The following HEMK2 variants were observed in gnomAD, a reference collection of about 807,000 sequenced individuals.
HEMK2 encodes the protein methyltransferase HEMK2.
the HEMK2 span, among the ~76,000 whole-genome samples, chr21:28,883,820 C>G: frequency 1.3e-5 from 2 of 152,128 alleles, no homozygotes; most frequent in East Asian, 3.9e-4. Flanking sequence ...CCTGGGCTTG[C>G]TCAAGTGATC....
the HEMK2 span, among the ~76,000 whole-genome samples, chr21:28,782,305 T>C: frequency 1.1e-4 from 17 of 152,228 alleles, no homozygotes; most frequent in Non-Finnish European, 1.9e-4. Context: ...TAGGAAAATA[T>C]ATTGTGCCCA....
chr21:28,668,529 C>A, the HEMK2 span, among the ~76,000 whole-genome samples: 1 of 152,118 alleles, frequency 6.6e-6, no homozygotes, highest in Admixed American at 6.6e-5. Context: ...AAATTGAAAA[C>A]CTTATTTGAA....
At chr21:28,741,848 T>C in the HEMK2 span, among the ~76,000 whole-genome samples, 1 of 152,196 alleles carries the variant, frequency 6.6e-6, no homozygotes, top group African/African-American at 2.4e-5. Context: ...TTGTAAATAG[T>C]GCTGCAGTGA....
the HEMK2 span, among the ~76,000 whole-genome samples, chr21:28,861,525 C>G: frequency 6.6e-6 from 1 of 152,226 alleles, no homozygotes; most frequent in Admixed American, 6.5e-5. Flanking sequence ...TTTACTTCCC[C>G]TTGAGGAAGG....
At chr21:28,696,242 C>A in the HEMK2 span, among the ~76,000 whole-genome samples, 1 of 152,170 alleles carries the variant, frequency 6.6e-6, no homozygotes, top group South Asian at 2.1e-4. Context: ...ATGGGAGCTA[C>A]AATTCAAGAT....
the HEMK2 span, among the ~76,000 whole-genome samples, chr21:28,730,474 A>G: frequency 3.3e-5 from 5 of 151,676 alleles, no homozygotes; most frequent in Admixed American, 2.0e-4. Flanking sequence ...TCTCTGGCTC[A>G]GGGCCTCTCA....
the HEMK2 span, among the ~76,000 whole-genome samples, chr21:28,763,042 G>C: frequency 1.3e-5 from 2 of 152,110 alleles, no homozygotes; most frequent in Admixed American, 6.6e-5. Flanking sequence ...TATTGCCTCA[G>C]GTTAGATCAT....
At chr21:28,586,594 T>C in the HEMK2 span, among the ~76,000 whole-genome samples, 13 of 152,256 alleles carry the variant, frequency 8.5e-5, no homozygotes, top group African/African-American at 2.4e-4. Context: ...TTTCCTCTTA[T>C]CACTTTCATC....
chr21:28,859,394 C>T, the HEMK2 span, among the ~76,000 whole-genome samples: 1 of 152,070 alleles, frequency 6.6e-6, no homozygotes, highest in South Asian at 2.1e-4. Flanking sequence ...TGACGTTTTC[C>T]CTGCACCTGG....
At chr21:28,712,621 G>C in the HEMK2 span, among the ~76,000 whole-genome samples, 106 of 152,216 alleles carry the variant, frequency 7.0e-4, 1 homozygote, top group Middle Eastern at 3.4e-3. Flanking sequence ...AACACCCTTG[G>C]GGGCAATAGA....
chr21:28,880,221 T>C, the HEMK2 span, among the ~76,000 whole-genome samples: 2 of 152,216 alleles, frequency 1.3e-5, no homozygotes, highest in Non-Finnish European at 2.9e-5. Flanking sequence ...GGGTTCACTT[T>C]TAGAAAATGA....
chr21:28,799,888 T>C, the HEMK2 span, among the ~76,000 whole-genome samples: 7 of 152,248 alleles, frequency 4.6e-5, no homozygotes, highest in African/African-American at 1.7e-4. Flanking sequence ...TTTTATGGTT[T>C]TGTTTTTTGT....
At chr21:28,860,496 T>C in the HEMK2 span, among the ~76,000 whole-genome samples, 22 of 149,518 alleles carry the variant, frequency 1.5e-4, no homozygotes, top group African/African-American at 5.4e-4. Context: ...TATAAATATA[T>C]GTATATATAG....
the HEMK2 span, among the ~76,000 whole-genome samples, chr21:28,746,546 T>A: frequency 6.6e-6 from 1 of 152,046 alleles, no homozygotes; most frequent in Non-Finnish European, 1.5e-5. Context: ...ATATGAGTGA[T>A]AAATGTAGCT....
chr21:28,776,130 C>G, the HEMK2 span, among the ~76,000 whole-genome samples: 2 of 152,182 alleles, frequency 1.3e-5, no homozygotes, highest in Non-Finnish European at 2.9e-5. Flanking sequence ...AGCAGACAGG[C>G]AGCGTCAAGA....
At chr21:28,622,718 C>T in the HEMK2 span, among the ~76,000 whole-genome samples, 1 of 152,114 alleles carries the variant, frequency 6.6e-6, no homozygotes, top group African/African-American at 2.4e-5. Flanking sequence ...CTGACAAAAA[C>T]AAGCAATGGG....
chr21:28,713,375 T>A, the HEMK2 span, among the ~76,000 whole-genome samples: 1 of 152,126 alleles, frequency 6.6e-6, no homozygotes, highest in African/African-American at 2.4e-5. Flanking sequence ...AAGCCCTGCA[T>A]TGGTTCCCAC....
the HEMK2 span, among the ~76,000 whole-genome samples, chr21:28,793,707 T>C: frequency 6.6e-6 from 1 of 152,200 alleles, no homozygotes; most frequent in Non-Finnish European, 1.5e-5. Flanking sequence ...TATTATGTTA[T>C]GTTAAGAATC....
At chr21:28,615,961 CAAG>C in the HEMK2 span, among the ~76,000 whole-genome samples, 3,431 of 152,006 alleles carry the variant, frequency 0.023, 95 homozygotes, top group East Asian at 0.12. Context: ...ATTTTTATAA[CAAG>C]AAGAAAAAAA....
Sources: allele counts gnomAD v4.1 joint callset (sites outside exome capture counted in the v4.1 genomes callset), GRCh38; gene constraint gnomAD v4.1.1; transcripts MANE v1.5; gene names NCBI Gene and HGNC (gene_info 2026-07-23, HGNC 2026-07-21).